AGBL4: variants seen among roughly 807,000 people sequenced by gnomAD.
AGBL4 encodes cytosolic carboxypeptidase 6.
Under a neutral mutation model 66.4 loss-of-function variants are expected in AGBL4, and 58 were observed. The observed-to-expected ratio is 0.87, with a 90% CI of 0.71 to 1.09. AGBL4 has a LOEUF of 1.09. Ranked by LOEUF, AGBL4 falls within the 50% of genes least tolerant of loss-of-function variation. The pLI is 0.00. For synonymous variants in AGBL4, 234 were observed against 222.9 expected, an observed-to-expected ratio of 1.05 and a Z score of -0.44; for missense variants, 579 against 631.0, an observed-to-expected ratio of 0.92 and a Z score of 0.88.
intron 4 of AGBL4, among the ~76,000 whole-genome samples, chr1:49,194,094 T>C (rs1647179063): frequency 1.3e-5 from 2 of 152,184 alleles, no homozygotes; most frequent in Admixed American, 1.3e-4. Context: ...AATGGTCTGT[T>C]TATTGCTGTT....
At chr1:48,955,429 C>T (rs565583635) in intron 5 of AGBL4, among the ~76,000 whole-genome samples, 39 of 152,242 alleles carry the variant, frequency 2.6e-4, no homozygotes, top group Non-Finnish European at 2.9e-5. Flanking sequence ...TGAAGGATTT[C>T]CTCTCTCTCC....
At chr1:49,436,697 A>T (rs1157425868) in intron 3 of AGBL4, among the ~76,000 whole-genome samples, 1 of 152,208 alleles carries the variant, frequency 6.6e-6, no homozygotes, top group Admixed American at 6.5e-5. Flanking sequence ...CTGTATTTTT[A>T]AAAATATTTC....
chr1:49,150,638 G>A (rs1422458994), intron 4 of AGBL4, among the ~76,000 whole-genome samples: 1 of 152,084 alleles, frequency 6.6e-6, no homozygotes, highest in Non-Finnish European at 1.5e-5. Context: ...TGCACATGAT[G>A]TTTCCTTTTG....
At chr1:49,302,727 TTGTG>T (rs1644777017) in intron 3 of AGBL4, among the ~76,000 whole-genome samples, 11 of 150,884 alleles carry the variant, frequency 7.3e-5, no homozygotes, top group Non-Finnish European at 1.5e-4. Context: ...ATAGGGAAAC[TTGTG>T]ACATGGTGGT....
At chr1:49,492,332 G>A (rs1327390522) in intron 3 of AGBL4, among the ~76,000 whole-genome samples, 2 of 151,902 alleles carry the variant, frequency 1.3e-5, no homozygotes, top group East Asian at 1.9e-4. Context: ...GCTGATTGAT[G>A]TTCTGGGCAG....
At chr1:49,461,551 G>T (rs1374154519) in intron 3 of AGBL4, among the ~76,000 whole-genome samples, 2 of 150,094 alleles carry the variant, frequency 1.3e-5, no homozygotes, top group Non-Finnish European at 1.5e-5. Context: ...CATCTGCCAT[G>T]ATGGTTTGCT....
intron 1 of AGBL4, among the ~76,000 whole-genome samples, chr1:50,014,816 T>C (rs969145419): frequency 6.6e-6 from 1 of 152,098 alleles, no homozygotes; most frequent in Non-Finnish European, 1.5e-5. Context: ...TCAGCTACCA[T>C]GCCCAGCCAA....
At chr1:48,566,043 A>C (rs1296332458) in intron 11 of AGBL4, among the ~76,000 whole-genome samples, 2 of 152,196 alleles carry the variant, frequency 1.3e-5, no homozygotes, top group African/African-American at 2.4e-5. Flanking sequence ...TGTTAATACA[A>C]TAATTTCCTC....
chr1:49,656,399 A>G (rs1360796875), intron 3 of AGBL4, among the ~76,000 whole-genome samples: 5 of 152,274 alleles, frequency 3.3e-5, no homozygotes, highest in Non-Finnish European at 5.9e-5. Context: ...AGGACCAGAC[A>G]GATTCACAGC....
At chr1:49,994,445 A>G (rs1660204862) in intron 1 of AGBL4, 1 of 152,062 alleles carries the variant, frequency 6.6e-6, no homozygotes, top group Non-Finnish European at 1.5e-5. Context: ...GAGGTGTGGT[A>G]ACACAGGTCT....
At chr1:48,648,514 A>G (rs1645875594) in intron 8 of AGBL4, among the ~76,000 whole-genome samples, 2 of 152,212 alleles carry the variant, frequency 1.3e-5, no homozygotes, top group Non-Finnish European at 2.9e-5. Flanking sequence ...CCAAGGACAA[A>G]TAAGAATGCT....
At chr1:48,867,687 G>T (rs1198173854) in intron 5 of AGBL4, among the ~76,000 whole-genome samples, 3 of 152,114 alleles carry the variant, frequency 2.0e-5, no homozygotes, top group Non-Finnish European at 4.4e-5. Flanking sequence ...CCACCCTCCA[G>T]ATACTTCTTT....
chr1:49,883,596 T>C (rs1347231099), intron 1 of AGBL4, among the ~76,000 whole-genome samples: 3 of 152,100 alleles, frequency 2.0e-5, no homozygotes, highest in Non-Finnish European at 4.4e-5. Context: ...TAAAAAGTCA[T>C]TGAATTACTA....
At position 48,655,467 on chromosome 1, in the gene AGBL4, C is replaced by T. The variant is rs1646005375; in HGVS notation, c.725-2016G>A. Among the ~76,000 whole-genome samples the T allele has an allele frequency of 2.0e-5, 3 of 152,194 alleles. No individual in the cohort carries two copies. The South Asian group carries it at 6.2e-4, about 31-fold the overall frequency. ...GAGGGACCAGGGGAGCAGAAAGTCT[C>T]AGGACCTGAGTTTGAATCTTAACTG... On this transcript the variant is annotated intron_variant, in intron 7 of 13. Coordinates refer to ENST00000371839, the MANE Select transcript of AGBL4 (RefSeq NM_032785.4).
chr1:49,125,370 T>C (rs1645744565), intron 4 of AGBL4, among the ~76,000 whole-genome samples: 1 of 152,136 alleles, frequency 6.6e-6, no homozygotes, highest in Admixed American at 6.6e-5. Flanking sequence ...AATGTTCAAA[T>C]AATTTTCCCC....
At chr1:48,603,385 G>T (rs1211256663) in intron 9 of AGBL4, among the ~76,000 whole-genome samples, 2 of 152,142 alleles carry the variant, frequency 1.3e-5, no homozygotes, top group Non-Finnish European at 2.9e-5. Context: ...CAGGAGAATT[G>T]CTTGAACCAG....
chr1:48,813,243 TA>T (rs1321715716), intron 6 of AGBL4, among the ~76,000 whole-genome samples: 4 of 152,136 alleles, frequency 2.6e-5, no homozygotes, highest in African/African-American at 9.7e-5. Flanking sequence ...AGGAAGTTTC[TA>T]AAAGACGGTA....
chr1:49,569,779 C>G (rs569796669), intron 3 of AGBL4, among the ~76,000 whole-genome samples: 2 of 152,090 alleles, frequency 1.3e-5, no homozygotes, highest in Non-Finnish European at 2.9e-5. Context: ...TCATTCCACT[C>G]TCTATATCCA....
Position 49,285,619 on chromosome 1 carries a change from G to A in AGBL4, c.283-39755C>T, listed in dbSNP as rs1006380302. Among the ~76,000 whole-genome samples the A allele has an allele frequency of 2.2e-4, 34 of 152,136 alleles. 1 individual carries two copies. Among genetic ancestry groups the A allele is most frequent in the African/African-American group, 5.1e-4 (21 of 41,512 alleles). On this transcript the variant is annotated intron_variant, in intron 3 of 13. Transcript: ENST00000371839. ...AAAGGATCAACAAAATTGATAGACCGCTAGCAAGACTAATAAAGCAAAAAA... is the reference window on the plus strand; with the variant it reads ...AAAGGATCAACAAAATTGATAGACCACTAGCAAGACTAATAAAGCAAAAAA...
Sources: gnomAD v4.1 joint callset for allele counts (sites outside exome capture counted in the v4.1 genomes callset) on GRCh38, gnomAD v4.1.1 for gene constraint, MANE v1.5 for transcripts, NCBI Gene and HGNC (gene_info 2026-07-23, HGNC 2026-07-21) for gene names.